Variants in TSGA10 observed in about 807,000 individuals in gnomAD.
The protein encoded by TSGA10 is testis specific 10.
Under a neutral mutation model 96.6 loss-of-function variants are expected in TSGA10, and 43 were observed. The observed-to-expected ratio is 0.44, with a 90% CI of 0.35 to 0.57. The LOEUF is 0.57. TSGA10 is among the 20% of genes least tolerant of loss of function. The pLI is 0.01. For missense variants in TSGA10, 703 were observed against 834.4 expected (o/e 0.84, Z 1.94); for synonymous variants, 229 against 269.9 (o/e 0.85, Z 1.48).
intron 3 of TSGA10, 131 bp from the exon 4 acceptor site, chr2:99,117,890 G>T: frequency 4.4e-6 from 1 of 229,756 alleles, no homozygotes; most frequent in Non-Finnish European, 7.2e-6. Context: ...ACCTTTTTGT[G>T]CCTTCTGAAT....
At chr2:99,023,739 T>C (rs2080260838) in intron 17 of TSGA10, among the ~76,000 whole-genome samples, 1 of 152,256 alleles carries the variant, frequency 6.6e-6, no homozygotes, top group South Asian at 2.1e-4. Context: ...CTGAATTCTG[T>C]TCCATCAACC....
intron 7 of TSGA10, among the ~76,000 whole-genome samples, chr2:99,107,449 C>G (rs780908610): frequency 1.3e-5 from 2 of 151,910 alleles, no homozygotes; most frequent in Non-Finnish European, 2.9e-5. Flanking sequence ...TCATATTTTG[C>G]CTGCCTTTAA....
At chr2:99,124,348 C>G (rs748886231) in intron 2 of TSGA10, among the ~76,000 whole-genome samples, 1 of 152,044 alleles carries the variant, frequency 6.6e-6, no homozygotes, top group Non-Finnish European at 1.5e-5. Flanking sequence ...TGTAGGAGTC[C>G]TTTGTATATT....
At chr2:99,141,155 C>A (rs1380914057) in intron 1 of TSGA10, 1 of 1,267,082 alleles carries the variant, frequency 7.9e-7, no homozygotes, top group East Asian at 6.6e-5. Flanking sequence ...CGACTGTCAG[C>A]TCTCGGCCTC....
At chr2:99,037,878 AAAAG>A (rs762878933) in intron 16 of TSGA10, among the ~76,000 whole-genome samples, 1 of 151,954 alleles carries the variant, frequency 6.6e-6, no homozygotes, top group East Asian at 1.9e-4. Flanking sequence ...AAATAAACAC[AAAAG>A]AAAGAATCTT....
At chr2:98,999,436 T>C (rs963763690) in intron 20 of TSGA10, among the ~76,000 whole-genome samples, 2 of 152,130 alleles carry the variant, frequency 1.3e-5, no homozygotes, top group African/African-American at 4.8e-5. Context: ...TAGAGGAAAG[T>C]AAATTCAATG....
At chr2:99,104,938 G>A (rs1182968886) in intron 9 of TSGA10, among the ~76,000 whole-genome samples, 1 of 152,094 alleles carries the variant, frequency 6.6e-6, no homozygotes, top group Non-Finnish European at 1.5e-5. Flanking sequence ...GGAAAAAGGT[G>A]ATGTTTCACA....
At chr2:99,068,553 A>T (rs113616944) in intron 15 of TSGA10, among the ~76,000 whole-genome samples, 413 of 152,282 alleles carry the variant, frequency 2.7e-3, no homozygotes, top group African/African-American at 9.5e-3. Context: ...CTACATAATC[A>T]GGTGGAACCT....
At chr2:99,048,658 G>T (rs2083053366) in intron 16 of TSGA10, among the ~76,000 whole-genome samples, 1 of 152,070 alleles carries the variant, frequency 6.6e-6, no homozygotes, top group Non-Finnish European at 1.5e-5. Context: ...TACCATTCAG[G>T]ACACAGGCAT....
At chr2:99,141,177 C>T (rs1181574241) in intron 1 of TSGA10, 2 of 1,241,510 alleles carry the variant, frequency 1.6e-6, no homozygotes, top group Non-Finnish European at 2.1e-6. Flanking sequence ...GCGGGGGATA[C>T]AAGAACCGCC....
At chr2:99,107,411 T>C (rs182420590) in intron 7 of TSGA10, among the ~76,000 whole-genome samples, 6 of 152,224 alleles carry the variant, frequency 3.9e-5, no homozygotes, top group Admixed American at 1.3e-4. Flanking sequence ...AAGGTTAAAA[T>C]TGTAAAATTG....
At chr2:99,095,549 GTA>G (rs1424045286) in intron 10 of TSGA10, among the ~76,000 whole-genome samples, 1 of 151,980 alleles carries the variant, frequency 6.6e-6, no homozygotes, top group Non-Finnish European at 1.5e-5. Context: ...ACTTAAAAAA[GTA>G]TATACTTTAG....
At chr2:99,150,598 G>A (rs1459306420) in intron 1 of TSGA10, 1 of 1,613,548 alleles carries the variant, frequency 6.2e-7, no homozygotes, top group Non-Finnish European at 8.5e-7. Context: ...TCAGGTATCT[G>A]CTATACATAT....
At chr2:99,113,053 TA>T (rs558557663) in intron 4 of TSGA10, among the ~76,000 whole-genome samples, 19 of 152,044 alleles carry the variant, frequency 1.2e-4, no homozygotes, top group African/African-American at 4.3e-4. Context: ...GGTAAAATTT[TA>T]ATTCTGCTTC....
At chr2:99,056,030 C>T (rs150633570) in intron 16 of TSGA10, among the ~76,000 whole-genome samples, 2,751 of 151,674 alleles carry the variant, frequency 0.018, 86 homozygotes, top group African/African-American at 0.063. Flanking sequence ...GGTGAAACCC[C>T]GTCTGTACTA....
chr2:99,059,048 T>A (rs1225546998), intron 16 of TSGA10, among the ~76,000 whole-genome samples: 102 of 103,428 alleles, frequency 9.9e-4, no homozygotes, highest in African/African-American at 3.5e-3. Context: ...AAAAAAAAAA[T>A]AATATATATA....
chr2:99,050,537 G>A (rs891166980), intron 16 of TSGA10, among the ~76,000 whole-genome samples: 9 of 152,016 alleles, frequency 5.9e-5, no homozygotes, highest in Non-Finnish European at 1.2e-4. Flanking sequence ...AAAAAATGGA[G>A]GAAAAGGGAA....
intron 20 of TSGA10, among the ~76,000 whole-genome samples, chr2:99,008,293 A>G (rs867838174): frequency 2.0e-5 from 3 of 152,248 alleles, no homozygotes; most frequent in African/African-American, 4.8e-5. Flanking sequence ...TTGGTAGCAT[A>G]TATCACCAAT....
At chr2:99,058,384 A>ACCATTT (rs2084243836) in intron 16 of TSGA10, among the ~76,000 whole-genome samples, 1 of 152,222 alleles carries the variant, frequency 6.6e-6, no homozygotes, top group Non-Finnish European at 1.5e-5. Flanking sequence ...TGCTTAGAAA[A>ACCATTT]GAAGAATGGG....
Sources: gnomAD v4.1 joint callset for allele counts (sites outside exome capture counted in the v4.1 genomes callset) on GRCh38, gnomAD v4.1.1 for gene constraint, MANE v1.5 for transcripts, NCBI Gene and HGNC (gene_info 2026-07-23, HGNC 2026-07-21) for gene names.